FBXO10: variants seen among roughly 807,000 people sequenced by gnomAD.
FBXO10 encodes the protein F-box protein 10.
A neutral mutation model predicts 80.7 loss-of-function variants in FBXO10; 39 were observed. The observed-to-expected ratio is 0.48, with a 90% CI of 0.37 to 0.63. The LOEUF is 0.63. Among genes scored for constraint, FBXO10 ranks in the 30% least tolerant of loss-of-function variants. The probability of loss-of-function intolerance (pLI) is 0.00; values close to 1 mark genes in which losing one functional copy is unlikely to be tolerated. For synonymous variants in FBXO10, 449 were observed against 489.6 expected (o/e 0.92, Z 1.09); for missense variants, 1,025 against 1,269.0 (o/e 0.81, Z 2.92).
chr9:37,541,852 G>T, intron 1 of FBXO10, 78 bp from the exon 2 acceptor site: 3 of 1,216,708 alleles, frequency 2.5e-6, no homozygotes, highest in South Asian at 3.2e-5. Flanking sequence ...TTTTGAGATG[G>T]AGTTTCACTC....
intron 1 of FBXO10, among the ~76,000 whole-genome samples, chr9:37,574,292 G>T (rs970806988): frequency 6.6e-6 from 1 of 152,160 alleles, no homozygotes; most frequent in Non-Finnish European, 1.5e-5. Flanking sequence ...AAGGAGGGAG[G>T]GAAGGAAGGG....
intron 1 of FBXO10, among the ~76,000 whole-genome samples, chr9:37,549,206 C>T (rs1822129342): frequency 6.6e-6 from 1 of 152,078 alleles, no homozygotes; most frequent in Admixed American, 6.6e-5. Flanking sequence ...CTACCCTCAC[C>T]CTCCCAATAA....
Position 37,521,657 on chromosome 9 carries a change from C to G in FBXO10, c.2112G>C (p.Trp704Cys). 1 of 1,613,934 alleles carries G rather than the reference C, an allele frequency of 6.2e-7. No individual in the cohort carries two copies. The highest frequency in any genetic ancestry group is 8.5e-7 in the Non-Finnish European group (1 of 1,179,884). The change falls in exon 8 of 11, where the codon TGG (tryptophan) becomes TGC (cysteine). Residue 704 changes from tryptophan to cysteine, a missense_variant. By Grantham distance (215) the Trp-to-Cys change is radical. Coordinates refer to ENST00000432825, the MANE Select transcript of FBXO10 (RefSeq NM_012166.3). ...NFSEDGDAILWETELEKEDDP... is the reference protein window; with the variant it reads ...NFSEDGDAILCETELEKEDDP... ...CGTCCTCCTTCTCCAGCTCTGTCTC[C>G]CAGAGGATGGCGTCCCCATCCTCGC... is the stretch of plus-strand genomic sequence containing the variant.
intron 3 of FBXO10, among the ~76,000 whole-genome samples, chr9:37,532,908 C>G (rs927425928): frequency 1.3e-5 from 2 of 152,194 alleles, no homozygotes; most frequent in Non-Finnish European, 2.9e-5. Flanking sequence ...TGAGACGGCA[C>G]GGACAGTAAG....
intron 1 of FBXO10, among the ~76,000 whole-genome samples, chr9:37,568,417 C>G (rs12347889): frequency 2.0e-5 from 3 of 151,586 alleles, no homozygotes; most frequent in Non-Finnish European, 4.4e-5. Context: ...AGGCTGGTCT[C>G]GAACTCCTGA....
intron 1 of FBXO10, among the ~76,000 whole-genome samples, chr9:37,553,562 A>G (rs1822260141): frequency 6.6e-6 from 1 of 152,046 alleles, no homozygotes; most frequent in South Asian, 2.1e-4. Flanking sequence ...AGTTGTCTTT[A>G]AAAAATGTTC....
intron 1 of FBXO10, among the ~76,000 whole-genome samples, chr9:37,567,150 T>C (rs1358542127): frequency 6.8e-6 from 1 of 147,218 alleles, no homozygotes; most frequent in Admixed American, 6.7e-5. Flanking sequence ...CTTTTTTTCT[T>C]TTTTTTTTTT....
intron 3 of FBXO10, chr9:37,536,155 C>G (rs1267360800): frequency 6.6e-6 from 1 of 152,144 alleles, no homozygotes; most frequent in African/African-American, 2.4e-5. Context: ...ATTTTAGAAG[C>G]CTGCAACACT....
chr9:37,529,268 T>C lies in FBXO10; in HGVS notation c.1570-8A>G. 3 of 1,599,906 alleles carry C rather than the reference T, an allele frequency of 1.9e-6. No individual in the cohort carries two copies. Among genetic ancestry groups the C allele is most frequent in the Non-Finnish European group, 2.6e-6 (3 of 1,173,354 alleles). On this transcript the variant is annotated splice_region_variant and splice_polypyrimidine_tract_variant and intron_variant, in intron 4 of 10. Transcript: ENST00000432825. ...ATGGTGGATCTGGTTACACTGCAAG[T>C]GAAAATGAGACACCACAGAAGCCAG... is the stretch of plus-strand genomic sequence containing the variant.
intron 1 of FBXO10, among the ~76,000 whole-genome samples, chr9:37,546,355 GCA>G (rs1822055569): frequency 6.6e-6 from 1 of 151,904 alleles, no homozygotes. Context: ...AAAGTGAATA[GCA>G]CAGAGGGGGT....
chr9:37,573,648 A>G (rs201043152), intron 1 of FBXO10, among the ~76,000 whole-genome samples: 1 of 152,282 alleles, frequency 6.6e-6, no homozygotes, highest in East Asian at 1.9e-4. Context: ...GAGGCTGGAG[A>G]AGGAGACACT....
At chr9:37,518,529 C>G in intron 8 of FBXO10, 91 bp from the exon 9 acceptor site, 2 of 1,100,352 alleles carry the variant, frequency 1.8e-6, no homozygotes, top group Non-Finnish European at 1.3e-6. Flanking sequence ...TTGTGCACTC[C>G]GGGAGAACGG....
chr9:37,564,471 C>T (rs1822557642), intron 1 of FBXO10, among the ~76,000 whole-genome samples: 1 of 152,116 alleles, frequency 6.6e-6, no homozygotes, highest in Non-Finnish European at 1.5e-5. Context: ...CATCATGTGC[C>T]TGGAAAAGCT....
Position 37,544,094 on chromosome 9 carries a change from C to T in FBXO10, c.-6-2320G>A, listed in dbSNP as rs376955960. 3.5e-3 allele frequency among the ~76,000 whole-genome samples: 534 copies of T among 152,300 alleles called. 4 individuals carry two copies. The highest frequency in any genetic ancestry group is 0.012 in the African/African-American group (500 of 41,554). On this transcript the variant is annotated intron_variant, in intron 1 of 10. Coordinates refer to ENST00000432825, the MANE Select transcript of FBXO10 (RefSeq NM_012166.3). ...CCAGCCTGGCTAATACAGTGAAACC[C>T]TGCCTCTACTAAAAATACAAAAAAA...
intron 1 of FBXO10, among the ~76,000 whole-genome samples, chr9:37,552,513 C>G (rs1028321212): frequency 6.6e-6 from 1 of 152,010 alleles, no homozygotes; most frequent in Non-Finnish European, 1.5e-5. Flanking sequence ...GAAACCCCGT[C>G]TCTACTGAAA....
chr9:37,553,378 C>CA (rs1822256565), intron 1 of FBXO10, among the ~76,000 whole-genome samples: 1 of 152,002 alleles, frequency 6.6e-6, no homozygotes, highest in Non-Finnish European at 1.5e-5. Context: ...CATGGACTGA[C>CA]ACGTATTTTA....
chr9:37,564,253 G>C (rs952130215), intron 1 of FBXO10, among the ~76,000 whole-genome samples: 2 of 152,258 alleles, frequency 1.3e-5, no homozygotes, highest in African/African-American at 4.8e-5. Flanking sequence ...TTAGATTTTA[G>C]AGCATGTATG....
At chr9:37,514,284 G>C (rs1564330637) in intron 10 of FBXO10, among the ~76,000 whole-genome samples, 1 of 152,130 alleles carries the variant, frequency 6.6e-6, no homozygotes, top group Non-Finnish European at 1.5e-5. Flanking sequence ...GGCTGGAAAA[G>C]ACAATTAGGA....
At chr9:37,513,907 A>G (rs1488611527) in intron 10 of FBXO10, among the ~76,000 whole-genome samples, 2 of 152,034 alleles carry the variant, frequency 1.3e-5, no homozygotes, top group African/African-American at 4.8e-5. Flanking sequence ...CTTTTATATG[A>G]CATTTGGGAA....
Sources: gnomAD v4.1 joint callset for allele counts (sites outside exome capture counted in the v4.1 genomes callset) on GRCh38, gnomAD v4.1.1 for gene constraint, MANE v1.5 for transcripts, NCBI Gene and HGNC (gene_info 2026-07-23, HGNC 2026-07-21) for gene names.